The following PCDH15 variants were observed in gnomAD, a reference collection of about 807,000 sequenced individuals.
PCDH15 encodes protocadherin related 15.
Under a neutral mutation model 178.5 loss-of-function variants are expected in PCDH15, and 129 were observed. The ratio of observed to expected loss-of-function variants is 0.72; its 90% CI spans 0.63 to 0.84. PCDH15 has a LOEUF of 0.84. Among genes scored for constraint, PCDH15 ranks in the 40% least tolerant of loss-of-function variants. PCDH15 has a pLI of 0.00. For synonymous variants in PCDH15, 800 were observed against 732.0 expected (o/e 1.09, Z -1.50); for missense variants, 2,230 against 2,099.9 (o/e 1.06, Z -1.21).
chr10:55,586,251 C>A (rs1842725436), intron 2 of PCDH15, among the ~76,000 whole-genome samples: 1 of 152,022 alleles, frequency 6.6e-6, no homozygotes, highest in Non-Finnish European at 1.5e-5. Flanking sequence ...TTTAAACTCT[C>A]ATCTAACTTA....
rs888396848 is a variant in PCDH15 at position 55,131,944 on chromosome 10, C to G, written c.-80+34632G>C. 2.6e-5 allele frequency among the ~76,000 whole-genome samples: 4 copies of G among 152,156 alleles called. No homozygotes were observed. In the East Asian group the frequency reaches 7.7e-4, roughly 29 times the overall value. Reference sequence around the variant, plus strand: ...GGTGGGGCTTCAATAGGGACCTACCCCTTTCCCCCCAGGAGCCTGTCTGCA... The same window carrying G: ...GGTGGGGCTTCAATAGGGACCTACCGCTTTCCCCCCAGGAGCCTGTCTGCA... On this transcript the variant is annotated intron_variant, in intron 2 of 5. Transcript: ENST00000458638.
At chr10:53,917,176 C>G (rs960892592) in intron 25 of PCDH15, among the ~76,000 whole-genome samples, 4 of 151,886 alleles carry the variant, frequency 2.6e-5, no homozygotes, top group African/African-American at 9.7e-5. Context: ...TACACAAGAC[C>G]ACAAATTTAT....
chr10:55,402,444 C>T (rs1195376732), intron 2 of PCDH15, among the ~76,000 whole-genome samples: 1 of 151,892 alleles, frequency 6.6e-6, no homozygotes, highest in Non-Finnish European at 1.5e-5. Context: ...CCATATTGTG[C>T]AATGGAACAC....
chr10:55,545,294 G>T (rs1841855591), intron 2 of PCDH15, among the ~76,000 whole-genome samples: 2 of 148,154 alleles, frequency 1.3e-5, no homozygotes, highest in Admixed American at 1.3e-4. Flanking sequence ...TTTAGATGGA[G>T]TCTCACTCTG....
rs1050974985 is a variant in PCDH15 at position 55,415,398 on chromosome 10, T to A, written c.-156+212227A>T. ...ATATAATAAACAGAAAATTGCCCAATATAGTCTATTTTAGGATCCATTGGA... is the reference window on the plus strand; with the variant it reads ...ATATAATAAACAGAAAATTGCCCAAAATAGTCTATTTTAGGATCCATTGGA... On this transcript the variant is annotated intron_variant, in intron 2 of 5. Transcript: ENST00000613346. 2.6e-5 allele frequency among the ~76,000 whole-genome samples: 4 copies of A among 151,654 alleles called. No individual in the cohort carries two copies. The South Asian group carries it at 6.2e-4, about 24-fold the overall frequency.
At chr10:53,941,836 G>C (rs548610560) in intron 23 of PCDH15, among the ~76,000 whole-genome samples, 1 of 152,164 alleles carries the variant, frequency 6.6e-6, no homozygotes, top group Non-Finnish European at 1.5e-5. Context: ...GCTGTCAATA[G>C]TCTGGATTTC....
intron 1 of PCDH15, among the ~76,000 whole-genome samples, chr10:55,222,730 C>CACACACACACACACACATATAT: frequency 1.6e-5 from 2 of 121,256 alleles, no homozygotes; most frequent in African/African-American, 3.4e-5. Context: ...CACACACACA[C>CACACACACACACACACATATAT]ATATATATAT....
At chr10:54,958,333 G>A (rs769187697) in intron 2 of PCDH15, among the ~76,000 whole-genome samples, 5 of 151,598 alleles carry the variant, frequency 3.3e-5, no homozygotes, top group East Asian at 1.9e-4. Flanking sequence ...TCTTACCTAC[G>A]TCACCATGGT....
chr10:54,576,364 G>A (rs1431925214), intron 2 of PCDH15, among the ~76,000 whole-genome samples: 1 of 152,146 alleles, frequency 6.6e-6, no homozygotes, highest in East Asian at 1.9e-4. Flanking sequence ...AAGTCAGAAT[G>A]AAAATCACTG....
At chr10:54,046,342 A>G (rs2093655229) in intron 18 of PCDH15, among the ~76,000 whole-genome samples, 1 of 152,220 alleles carries the variant, frequency 6.6e-6, no homozygotes, top group Non-Finnish European at 1.5e-5. Context: ...TGATATAAAC[A>G]TATTCACAGC....
Position 54,043,577 on chromosome 10 carries a change from C to T in PCDH15, c.2221-20380G>A, listed in dbSNP as rs183153235. Among the ~76,000 whole-genome samples, 1,372 of 149,854 alleles carry T rather than the reference C, an allele frequency of 9.2e-3. 13 individuals carry two copies. The highest frequency in any genetic ancestry group is 0.014 in the Non-Finnish European group (961 of 66,674). ...TAATTTTTGTATTTTTTTGTACAGA[C>T]AGAGATTTGCCATGTTGCTCAGGCT... is the stretch of plus-strand genomic sequence containing the variant. On this transcript the variant is annotated intron_variant, in intron 18 of 37. Transcript: ENST00000644397.
In PCDH15 at chr10:54,903,627, A is replaced by C. The variant is rs531969310; in HGVS notation, c.-79-6127T>G. Reference sequence around the variant, plus strand: ...CATTAAAGAGCAGTAAGTATAATTAAACTGTAATCCAGTATTAGAAACAAT... The same window carrying C: ...CATTAAAGAGCAGTAAGTATAATTACACTGTAATCCAGTATTAGAAACAAT... On this transcript the variant is annotated intron_variant, in intron 2 of 5. Coordinates refer to the PCDH15 transcript ENST00000458638. Among the ~76,000 whole-genome samples, 254 of 152,236 alleles carry C rather than the reference A, an allele frequency of 1.7e-3. 1 individual carries two copies. Among genetic ancestry groups the C allele is most frequent in the African/African-American group, 5.8e-3 (241 of 41,570 alleles).
intron 3 of PCDH15, among the ~76,000 whole-genome samples, chr10:54,389,553 C>T (rs184320922): frequency 1.3e-5 from 2 of 152,212 alleles, no homozygotes; most frequent in South Asian, 2.1e-4. Flanking sequence ...CATCTTCACA[C>T]GAGAACTTGT....
intron 15 of PCDH15, among the ~76,000 whole-genome samples, chr10:54,092,274 G>A (rs539304995): frequency 3.1e-4 from 47 of 152,110 alleles, no homozygotes; most frequent in African/African-American, 1.1e-3. Context: ...TTTCTTCTCT[G>A]CCACCACCTT....
At chr10:54,493,191 T>G (rs1263385494) in intron 3 of PCDH15, among the ~76,000 whole-genome samples, 1 of 151,992 alleles carries the variant, frequency 6.6e-6, no homozygotes, top group Admixed American at 6.6e-5. Flanking sequence ...TATATAAGTA[T>G]AGGAAAAATG....
chr10:55,063,271 T>G (rs767443585), intron 2 of PCDH15, among the ~76,000 whole-genome samples: 1 of 152,100 alleles, frequency 6.6e-6, no homozygotes, highest in African/African-American at 2.4e-5. Context: ...TAAAATACAG[T>G]TTCTCTTAGC....
At chr10:55,400,569 C>T (rs190059081) in intron 2 of PCDH15, among the ~76,000 whole-genome samples, 65 of 152,192 alleles carry the variant, frequency 4.3e-4, no homozygotes, top group African/African-American at 1.6e-3. Context: ...AAACAATATT[C>T]TCCGTGCTCC....
chr10:54,945,520 A>G (rs984171430), intron 2 of PCDH15, among the ~76,000 whole-genome samples: 1 of 151,642 alleles, frequency 6.6e-6, no homozygotes, highest in Admixed American at 6.6e-5. Flanking sequence ...CTGAGAAATC[A>G]GTATGAGAAA....
At chr10:54,221,637 C>G (rs1292049893) in intron 9 of PCDH15, among the ~76,000 whole-genome samples, 1 of 146,080 alleles carries the variant, frequency 6.8e-6, no homozygotes, top group East Asian at 2.0e-4. Flanking sequence ...GAGTTTTGCT[C>G]TTTTTTCTAG....
Sources: gnomAD v4.1 joint callset for allele counts (sites outside exome capture counted in the v4.1 genomes callset) on GRCh38, gnomAD v4.1.1 for gene constraint, MANE v1.5 for transcripts, NCBI Gene and HGNC (gene_info 2026-07-23, HGNC 2026-07-21) for gene names.